The following ABRAXAS2 variants were observed in gnomAD, a reference collection of about 807,000 sequenced individuals.
The protein encoded by ABRAXAS2 is abraxas 2, BRISC complex subunit, also known as BRISC complex subunit Abraxas 2.
ABRAXAS2 carries 23 observed loss-of-function variants against 49.0 expected under a neutral mutation model. That is an observed-to-expected ratio of 0.47 (90% confidence interval 0.34 to 0.66). The LOEUF is 0.66. ABRAXAS2 is among the 30% of genes least tolerant of loss of function. ABRAXAS2 has a pLI of 0.01. For synonymous variants in ABRAXAS2, 168 were observed against 180.2 expected (o/e 0.93, Z 0.54); for missense variants, 443 against 511.9 (o/e 0.87, Z 1.30).
Position 124,835,253 on chromosome 10 carries a change from C to T in ABRAXAS2, c.*282C>T, listed in dbSNP as rs140132704. On this transcript the variant is annotated 3_prime_UTR_variant, in exon 9 of 9. Coordinates refer to ENST00000298492, the MANE Select transcript of ABRAXAS2 (RefSeq NM_032182.4). ...ATTTAGGCAAAGTGAAACTTATCAG[C>T]GTAGTTTCTGTTCTTTAAAATAAAT... is the stretch of plus-strand genomic sequence containing the variant. 7.5e-6 allele frequency: 2 copies of T among 268,132 alleles called. No individual in the cohort carries two copies. Among genetic ancestry groups the T allele is most frequent in the African/African-American group, 2.2e-5 (1 of 45,310 alleles). 16.6% of individuals were successfully genotyped at this position (268,132 alleles called of 1,614,324 possible). A position where few individuals can be genotyped will look rare whatever the true frequency, so the allele number is the denominator to read the frequency against.
At chr10:124,826,095 A>G (rs1012832423) in intron 4 of ABRAXAS2, among the ~76,000 whole-genome samples, 2 of 152,246 alleles carry the variant, frequency 1.3e-5, no homozygotes, top group African/African-American at 4.8e-5. Context: ...TAAAATTGAC[A>G]TATAACACAT....
intron 2 of ABRAXAS2, among the ~76,000 whole-genome samples, chr10:124,808,668 G>A (rs966080541): frequency 6.6e-6 from 1 of 152,186 alleles, no homozygotes; most frequent in Admixed American, 6.5e-5. Flanking sequence ...AAGTTGAGAG[G>A]AAAACTGCTA....
intron 3 of ABRAXAS2, among the ~76,000 whole-genome samples, chr10:124,817,161 G>A (rs1950829650): frequency 6.6e-6 from 1 of 152,108 alleles, no homozygotes; most frequent in African/African-American, 2.4e-5. Flanking sequence ...ATGTGAATGT[G>A]TCCACTCACT....
intron 4 of ABRAXAS2, among the ~76,000 whole-genome samples, chr10:124,820,944 C>T (rs1950857731): frequency 6.6e-6 from 1 of 151,816 alleles, no homozygotes; most frequent in Non-Finnish European, 1.5e-5. Context: ...ATGGGGGTCT[C>T]ATGTTTTCCC....
intron 7 of ABRAXAS2, among the ~76,000 whole-genome samples, chr10:124,830,291 A>G (rs1195776260): frequency 2.6e-5 from 4 of 152,072 alleles, no homozygotes; most frequent in Non-Finnish European, 5.9e-5. Flanking sequence ...CAAAATAGTT[A>G]AAAATTAGCC....
intron 2 of ABRAXAS2, among the ~76,000 whole-genome samples, chr10:124,813,117 C>T (rs945608189): frequency 1.8e-4 from 27 of 152,290 alleles, no homozygotes; most frequent in African/African-American, 6.3e-4. Context: ...ACGAGAATCG[C>T]TTGAATGTGG....
At position 124,818,398 on chromosome 10, in the gene ABRAXAS2, CA is replaced by C. The variant is rs754223417; in HGVS notation, c.201-968del. Among the ~76,000 whole-genome samples, 526 of 59,766 alleles carry C rather than the reference CA, an allele frequency of 8.8e-3. 1 individual carries two copies. Among genetic ancestry groups the C allele is most frequent in the Middle Eastern group, 0.022 (2 of 92 alleles). 39.2% of individuals were successfully genotyped at this position (59,766 alleles called of 152,430 possible). ...GTGACAGAGCGAGACTCCATCTCAACAAAAAAAAAAAAAAAAAAGATTAGAC... is the reference window on the plus strand; with the variant it reads ...GTGACAGAGCGAGACTCCATCTCAACAAAAAAAAAAAAAAAAAGATTAGAC... On this transcript the variant is annotated intron_variant, in intron 3 of 8. Coordinates refer to ENST00000298492, the MANE Select transcript of ABRAXAS2 (RefSeq NM_032182.4).
rs1950899520 is a variant in ABRAXAS2 at position 124,826,860 on chromosome 10, TC to T, written c.458+78del. On this transcript the variant is annotated intron_variant, in intron 5 of 8. Coordinates refer to ENST00000298492, the MANE Select transcript of ABRAXAS2 (RefSeq NM_032182.4). ...CAGGCGTGGTGGCTTACGCCTGTAA[TC>T]CCAGCACTTTGGAAGGCTGAGGCGG... The T allele has an allele frequency of 2.1e-5, 29 of 1,411,290 alleles. 1 individual carries two copies. In the South Asian group the frequency reaches 3.6e-4, roughly 17 times the overall value. The allele number at this position is 1,411,290 out of a possible 1,614,324, so 87.4% of individuals were successfully genotyped here.
intron 2 of ABRAXAS2, among the ~76,000 whole-genome samples, chr10:124,808,691 G>A (rs1564918661): frequency 6.6e-6 from 1 of 152,212 alleles, no homozygotes; most frequent in Non-Finnish European, 1.5e-5. Context: ...GGAGAAATCA[G>A]TAAAGATGTG....
chr10:124,814,421 C>A (rs562084983), intron 2 of ABRAXAS2, among the ~76,000 whole-genome samples: 2 of 151,562 alleles, frequency 1.3e-5, no homozygotes, highest in South Asian at 2.1e-4. Flanking sequence ...GTGATCTCGG[C>A]TCACTGCAAC....
chr10:124,805,340 C>CAA (rs918638865), intron 1 of ABRAXAS2, among the ~76,000 whole-genome samples: 32 of 84,756 alleles, frequency 3.8e-4, no homozygotes, highest in Non-Finnish European at 4.6e-4. Flanking sequence ...GACTCCGTCT[C>CAA]AAAAAAAAAA....
At chr10:124,815,720 C>T (rs933385838) in intron 2 of ABRAXAS2, among the ~76,000 whole-genome samples, 5 of 152,116 alleles carry the variant, frequency 3.3e-5, no homozygotes, top group Admixed American at 3.3e-4. Flanking sequence ...CTTTTACGAT[C>T]TACCCTGTAA....
At chr10:124,833,102 C>T (rs1276630016) in intron 8 of ABRAXAS2, among the ~76,000 whole-genome samples, 7 of 140,562 alleles carry the variant, frequency 5.0e-5, no homozygotes, top group Admixed American at 2.2e-4. Context: ...GCTGAGATCA[C>T]ACCACTGCAC....
chr10:124,816,579 T>C lies in ABRAXAS2; in HGVS notation c.167T>C (p.Ile56Thr). 1 of 1,600,130 alleles carries C rather than the reference T, an allele frequency of 6.2e-7. No homozygotes were observed. Among genetic ancestry groups the C allele is most frequent in the Non-Finnish European group, 8.6e-7 (1 of 1,168,222 alleles). Residue 56 changes from isoleucine to threonine, a missense_variant, in exon 3 of 9, where the codon ATC becomes ACC. By Grantham distance (89) the Ile-to-Thr change is moderately conservative. This residue lies in a region of ABRAXAS2 where 166 missense variants were observed against 247.3 expected (regional missense o/e 0.67). Coordinates refer to ENST00000298492, the MANE Select transcript of ABRAXAS2 (RefSeq NM_032182.4). ...SNTEFLQVIEIHNHQPCSKLF... is the reference protein window; with the variant it reads ...SNTEFLQVIETHNHQPCSKLF... ...TATTTCCTCTTTCTAATTACAGAAA[T>C]CCATAACCATCAGCCTTGTTCAAAA...
chr10:124,820,242 T>A (rs1225019477), intron 4 of ABRAXAS2, among the ~76,000 whole-genome samples: 2 of 152,150 alleles, frequency 1.3e-5, no homozygotes, highest in Non-Finnish European at 2.9e-5. Context: ...AATAGCTTTA[T>A]GCATGATAGT....
At chr10:124,823,822 G>A (rs191543434) in intron 4 of ABRAXAS2, among the ~76,000 whole-genome samples, 29 of 152,318 alleles carry the variant, frequency 1.9e-4, no homozygotes, top group Middle Eastern at 3.4e-3. Flanking sequence ...TAGTTTGTTC[G>A]TTAGCTCTAA....
intron 1 of ABRAXAS2, among the ~76,000 whole-genome samples, chr10:124,802,845 G>A (rs1221162275): frequency 1.3e-5 from 2 of 152,146 alleles, no homozygotes; most frequent in Non-Finnish European, 2.9e-5. Context: ...AACTGCATTT[G>A]GTTTGATGTC....
At chr10:124,801,975 C>G (rs1301063568) in intron 1 of ABRAXAS2, 74 bp downstream of exon 1, 1 of 1,488,628 alleles carries the variant, frequency 6.7e-7, no homozygotes, top group Non-Finnish European at 9.3e-7. Context: ...CGCGGCCAAG[C>G]CGGGACCTCA....
chr10:124,811,219 T>C (rs145143786), intron 2 of ABRAXAS2, among the ~76,000 whole-genome samples: 1 of 149,772 alleles, frequency 6.7e-6, no homozygotes, highest in Non-Finnish European at 1.5e-5. Context: ...CTCAAAAAAA[T>C]AAATAAATAA....
Sources: allele counts gnomAD v4.1 joint callset (sites outside exome capture counted in the v4.1 genomes callset), GRCh38; gene constraint gnomAD v4.1.1; regional missense constraint gnomAD v4.1.1; transcripts MANE v1.5; gene names NCBI Gene and HGNC (gene_info 2026-07-23, HGNC 2026-07-21).